Variants in NIN observed in about 807,000 individuals in gnomAD.
The protein encoded by NIN is glycogen synthase kinase 3 beta-interacting protein.
In NIN, 137 loss-of-function variants were observed where a neutral mutation model predicts 257.6. That is an observed-to-expected ratio of 0.53 (90% CI 0.46 to 0.61). The LOEUF is 0.61. Ranked by LOEUF, NIN falls within the 20% of genes least tolerant of loss-of-function variation. The pLI is 0.00. For synonymous variants in NIN, 918 were observed against 919.8 expected, an observed-to-expected ratio of 1.00 and a Z score of 0.04; for missense variants, 2,439 against 2,501.2, an observed-to-expected ratio of 0.98 and a Z score of 0.53.
chr14:50,763,721 T>C lies in NIN; in HGVS notation c.1774+105A>G, dbSNP rs781320682. On this transcript the variant is annotated intron_variant, in intron 15 of 30. Coordinates refer to ENST00000530997, the MANE Select transcript of NIN (RefSeq NM_020921.4). The stretch of plus-strand genomic sequence containing the variant: ...AAGAGTATGGCCAAATTCTTTTTTT[T>C]TTTTTTCTTTTTTCAAGTTGCCAAA... 1.3e-5 allele frequency: 13 copies of C among 990,062 alleles called. No homozygotes were observed. In the Admixed American group the frequency reaches 1.8e-4, roughly 14 times the overall value. 61.3% of individuals were successfully genotyped at this position (990,062 alleles called of 1,614,324 possible).
chr14:50,730,798 C>T (rs2040654772), intron 28 of NIN: 2 of 665,410 alleles, frequency 3.0e-6, no homozygotes, highest in African/African-American at 3.8e-5. Flanking sequence ...ACCATTAAAA[C>T]AAAATGAATA....
intron 2 of NIN, among the ~76,000 whole-genome samples, chr14:50,828,851 A>G (rs573804729): frequency 6.6e-6 from 1 of 152,350 alleles, no homozygotes; most frequent in East Asian, 1.9e-4. Context: ...GACAGTTAAC[A>G]TCTTTTGATA....
At chr14:50,764,027 A>C in intron 14 of NIN, 63 bp from the exon 15 acceptor site, 2 of 1,416,790 alleles carry the variant, frequency 1.4e-6, no homozygotes, top group Non-Finnish European at 2.0e-6. Flanking sequence ...AACAACAACA[A>C]CAAAAAAGAT....
At chr14:50,731,923 T>C (rs1216496045) in intron 28 of NIN, among the ~76,000 whole-genome samples, 1 of 152,240 alleles carries the variant, frequency 6.6e-6, no homozygotes, top group Non-Finnish European at 1.5e-5. Flanking sequence ...GTATAAACTA[T>C]AAGCCATTTT....
chr14:50,765,190 TCA>T (rs1370111916), intron 14 of NIN, among the ~76,000 whole-genome samples: 1 of 151,058 alleles, frequency 6.6e-6, no homozygotes, highest in Non-Finnish European at 1.5e-5. Flanking sequence ...TGAGCTGCGA[TCA>T]CACCACCGTA....
At chr14:50,758,681 G>A (rs1004549687) in intron 17 of NIN, 51 bp from the exon 18 acceptor site, 4 of 1,497,990 alleles carry the variant, frequency 2.7e-6, no homozygotes, top group African/African-American at 2.8e-5. Context: ...AACTCCAGAA[G>A]CAAACAAAAA....
rs761431332 is a variant in NIN, at chr14:50,730,955, C to A, written c.5878-1232G>T. ...CACTATCTCAGGCAGAGAACTGCAC[C>A]CTTCTCTGCTACTTCCAACCACTGA... On this transcript the variant is annotated intron_variant, in intron 28 of 30. Transcript: ENST00000530997. 4.5e-6 allele frequency: 6 copies of A among 1,347,362 alleles called. No individual in the cohort carries two copies. The East Asian group carries it at 2.3e-4, about 51-fold the overall frequency. 83.5% of individuals were successfully genotyped at this position (1,347,362 alleles called of 1,614,324 possible).
intron 17 of NIN, among the ~76,000 whole-genome samples, chr14:50,758,836 A>G (rs2042151783): frequency 6.6e-6 from 1 of 152,226 alleles, no homozygotes. Context: ...TAATTCATTT[A>G]AAAGACTTAC....
chr14:50,766,225 G>C, intron 14 of NIN, 82 bp downstream of exon 14: 1 of 1,012,624 alleles, frequency 9.9e-7, no homozygotes, highest in Non-Finnish European at 1.6e-6. Flanking sequence ...GACTTGCTTA[G>C]GGTCACAGAG....
At chr14:50,768,538 G>C (rs931092627) in intron 12 of NIN, among the ~76,000 whole-genome samples, 5 of 152,106 alleles carry the variant, frequency 3.3e-5, no homozygotes, top group African/African-American at 1.2e-4. Flanking sequence ...CTGCAGTGTT[G>C]GGGAAAGCAG....
chr14:50,809,314 C>T (rs1436695202), intron 3 of NIN, among the ~76,000 whole-genome samples: 1 of 152,084 alleles, frequency 6.6e-6, no homozygotes, highest in South Asian at 2.1e-4. Context: ...GTGGTGGGGG[C>T]GGCGGCAGGG....
At position 50,760,368 on chromosome 14, in the gene NIN, A is replaced by C; in HGVS notation, c.1897-9T>G. 1 of 1,595,568 alleles carries C rather than the reference A, an allele frequency of 6.3e-7. No homozygotes were observed. The highest frequency in any genetic ancestry group is 8.5e-7 in the Non-Finnish European group (1 of 1,176,192). Reference sequence around the variant, plus strand: ...TTTTCATAATGGCGCACCTGAAGGCACAGAGTGACACCACCACAAGATTAC... The same window carrying C: ...TTTTCATAATGGCGCACCTGAAGGCCCAGAGTGACACCACCACAAGATTAC... On this transcript the variant is annotated splice_polypyrimidine_tract_variant and intron_variant, in intron 16 of 30. Transcript: ENST00000530997.
chr14:50,727,329 C>T, intron 29 of NIN: 1 of 988,408 alleles, frequency 1.0e-6, no homozygotes, highest in Non-Finnish European at 1.2e-6. Flanking sequence ...TGGTTTTCTT[C>T]AAATTCCATA....
At position 50,830,497 on chromosome 14, in the gene NIN, C is replaced by G. The variant is rs2045655767; in HGVS notation, c.-55G>C. On this transcript the variant is annotated 5_prime_UTR_variant, in exon 2 of 31. Coordinates refer to ENST00000530997, the MANE Select transcript of NIN (RefSeq NM_020921.4). ...GGTCTCTCCGGAGCGCCCGCACAGC[C>G]GGCAGCCCGCCTCCAGCGCTCTGCA... 6.0e-6 allele frequency: 1 copy of G among 167,444 alleles called. No homozygotes were observed. Among genetic ancestry groups the G allele is most frequent in the Admixed American group, 6.5e-5 (1 of 15,296 alleles). 10.4% of individuals were successfully genotyped at this position (167,444 alleles called of 1,614,324 possible).
At position 50,757,954 on chromosome 14, in the gene NIN, T is replaced by G; in HGVS notation, c.3076A>C (p.Thr1026Pro). 1 of 1,614,196 alleles carries G rather than the reference T, an allele frequency of 6.2e-7. No individual in the cohort carries two copies. Among genetic ancestry groups the G allele is most frequent in the South Asian group, 1.1e-5 (1 of 91,086 alleles). Reference sequence around the variant, plus strand: ...CTCTGAAGCATTGAGAGAGGAGATGTTGCCTGCTGCATTTCCTTTATTTTA... The same window carrying G: ...CTCTGAAGCATTGAGAGAGGAGATGGTGCCTGCTGCATTTCCTTTATTTTA... ...QSKIKEMQQA[T>P]SPLSMLQSGC... Residue 1026 changes from threonine to proline, a missense_variant, in exon 18 of 31, where the codon ACA becomes CCA. Physicochemically the swap from Thr to Pro is conservative, Grantham distance 38. Around this residue, in one of 3 missense-constraint regions of NIN, gnomAD observed 2,043 missense variants for 2,050.2 expected, o/e 1.00. Transcript: ENST00000530997.
At position 50,721,304 on chromosome 14, in the gene NIN, A is replaced by G. The variant is rs1206381028; in HGVS notation, c.*2159T>C. On this transcript the variant is annotated 3_prime_UTR_variant, in exon 31 of 31. Coordinates refer to ENST00000530997, the MANE Select transcript of NIN (RefSeq NM_020921.4). ...TTTCCAGAAAGTCATATTTACATTC[A>G]TTGTACATTTTATATACACATAAAT... The G allele has an allele frequency of 4.9e-6, 1 of 205,524 alleles. No homozygotes were observed. Among genetic ancestry groups the G allele is most frequent in the Non-Finnish European group, 9.9e-6 (1 of 100,572 alleles). 12.7% of individuals were successfully genotyped at this position (205,524 alleles called of 1,614,324 possible).
Position 50,738,261 on chromosome 14 carries a change from A to C in NIN, c.5654T>G (p.Leu1885Arg). 6.2e-7 allele frequency: 1 copy of C among 1,613,902 alleles called. No homozygotes were observed. Among genetic ancestry groups the C allele is most frequent in the Non-Finnish European group, 8.5e-7 (1 of 1,179,900 alleles). The change falls in exon 27 of 31, where the codon CTT (leucine) becomes CGT (arginine). Residue 1885 changes from leucine (L) to arginine (R), a missense_variant. By Grantham distance (102) the Leu-to-Arg change is moderately radical. Around this residue, in one of 3 missense-constraint regions of NIN, gnomAD observed 2,043 missense variants for 2,050.2 expected, o/e 1.00. Transcript: ENST00000530997. ...EKVRQLESNL[L>R]PKHQKHLNPS... ...GTTTAGATGTTTTTGGTGCTTGGGA[A>C]GAAGATTGGATTCCAACTGACGGAC...
chr14:50,755,325 G>A, intron 18 of NIN, among the ~76,000 whole-genome samples: 1 of 152,224 alleles, frequency 6.6e-6, no homozygotes, highest in East Asian at 1.9e-4. Context: ...AATGAAATAT[G>A]TACACTGTTT....
intron 4 of NIN, among the ~76,000 whole-genome samples, chr14:50,800,918 C>A (rs2044072116): frequency 6.6e-6 from 1 of 151,498 alleles, no homozygotes; most frequent in South Asian, 2.1e-4. Flanking sequence ...GAGTATCTGG[C>A]ATTACAAGCG....
Sources: gnomAD v4.1 joint callset for allele counts (sites outside exome capture counted in the v4.1 genomes callset) on GRCh38, gnomAD v4.1.1 for gene constraint, gnomAD v4.1.1 regional missense constraint, MANE v1.5 for transcripts, NCBI Gene and HGNC (gene_info 2026-07-23, HGNC 2026-07-21) for gene names.